ANK3: variants seen among roughly 807,000 people sequenced by gnomAD.
ANK3 encodes ankyrin 3.
A neutral mutation model predicts 370.9 loss-of-function variants in ANK3; 57 were observed. That is an observed-to-expected ratio of 0.15 (90% CI 0.12 to 0.19). The LOEUF (loss-of-function observed/expected upper bound fraction) is 0.19. Among genes scored for constraint, ANK3 ranks in the 10% least tolerant of loss-of-function variants. The probability of loss-of-function intolerance (pLI) is 1.00; values close to 1 mark genes in which losing one functional copy is unlikely to be tolerated. For missense variants in ANK3, 4,439 were observed against 5,302.1 expected (o/e 0.84, Z 5.06); for synonymous variants, 1,929 against 1,946.3 (o/e 0.99, Z 0.23).
rs116381784 is a variant in ANK3, at chr10:60,702,851, G to T, written c.57+30412C>A. Among the ~76,000 whole-genome samples the T allele has an allele frequency of 2.9e-3, 434 of 152,188 alleles. 2 individuals carry two copies. Among genetic ancestry groups the T allele is most frequent in the African/African-American group, 9.9e-3 (410 of 41,522 alleles). On this transcript the variant is annotated intron_variant, in intron 1 of 43. Transcript: ENST00000373827. ...GCAAGTCATTATTTTGCCTTCACAT[G>T]GAAGAATATACCACAATCTAAAAAG...
At chr10:60,291,497 A>C (rs1365199593) in intron 1 of ANK3, among the ~76,000 whole-genome samples, 1 of 152,090 alleles carries the variant, frequency 6.6e-6, no homozygotes, top group Non-Finnish European at 1.5e-5. Context: ...AAAGCCATAA[A>C]TGATGTAAGG....
intron 1 of ANK3, among the ~76,000 whole-genome samples, chr10:60,674,364 C>T (rs142740585): frequency 0.041 from 6,190 of 152,026 alleles, 159 homozygotes; most frequent in Middle Eastern, 0.071. Flanking sequence ...TCTGGTGAGG[C>T]CTCAGGAAGC....
intron 9 of ANK3, among the ~76,000 whole-genome samples, chr10:60,209,719 C>A (rs1321522501): frequency 1.3e-5 from 2 of 152,076 alleles, no homozygotes; most frequent in African/African-American, 4.8e-5. Context: ...CTGCTTTATT[C>A]CTGCCAAAAT....
chr10:60,560,369 G>A (rs1223372714), intron 2 of ANK3, among the ~76,000 whole-genome samples: 1 of 152,124 alleles, frequency 6.6e-6, no homozygotes, highest in Non-Finnish European at 1.5e-5. Flanking sequence ...GGACTAATGT[G>A]TTGGTATAAG....
chr10:60,310,296 A>G lies in ANK3; in HGVS notation c.115-30657T>C, dbSNP rs1265936987. Among the ~76,000 whole-genome samples, 10 of 152,170 alleles carry G rather than the reference A, an allele frequency of 6.6e-5. No individual in the cohort carries two copies. The East Asian group carries it at 1.7e-3, about 26-fold the overall frequency. ...GCACACTCACCCGCAGGTTTCCAGG[A>G]ATCTTCAATAATTATTTGATTCTAA... On this transcript the variant is annotated intron_variant, in intron 1 of 43. Transcript: ENST00000280772.
intron 7 of ANK3, among the ~76,000 whole-genome samples, chr10:60,243,681 C>T (rs1483179242): frequency 1.3e-5 from 2 of 152,128 alleles, no homozygotes. Context: ...AACATTATAA[C>T]AATTAGATGT....
At chr10:60,320,792 A>G (rs1016685164) in intron 1 of ANK3, among the ~76,000 whole-genome samples, 2 of 152,118 alleles carry the variant, frequency 1.3e-5, no homozygotes, top group Admixed American at 6.6e-5. Context: ...AGTATAAAAT[A>G]CCACCAAACA....
At chr10:60,085,365 C>T (rs961915997) in intron 30 of ANK3, 112 bp from the exon 31 acceptor site, 3 of 699,690 alleles carry the variant, frequency 4.3e-6, no homozygotes, top group Non-Finnish European at 7.3e-6. Flanking sequence ...AAAACTTCAA[C>T]ACCTTCAGTT....
chr10:60,347,560 C>T (rs1303432973), intron 1 of ANK3, among the ~76,000 whole-genome samples: 12 of 151,948 alleles, frequency 7.9e-5, no homozygotes, highest in Non-Finnish European at 1.5e-4. Context: ...TAAAAATATC[C>T]TACAGGGTTG....
Position 60,134,381 on chromosome 10 carries a change from A to C in ANK3, c.2739-8T>G. ...GAACTGAAGGAGCGGAGGCTGTTGT[A>C]TTTACAGTTAACCATTCAACAGTGG... On this transcript the variant is annotated splice_region_variant and splice_polypyrimidine_tract_variant and intron_variant, in intron 24 of 43. Coordinates refer to ENST00000280772, the MANE Select transcript of ANK3 (RefSeq NM_020987.5). 1 of 1,607,966 alleles carries C rather than the reference A, an allele frequency of 6.2e-7. No homozygotes were observed. The highest frequency in any genetic ancestry group is 1.7e-4 in the Middle Eastern group (1 of 6,036).
chr10:60,114,206 T>A lies in ANK3; in HGVS notation c.2948+19A>T, dbSNP rs1251873867. 6.9e-7 allele frequency: 1 copy of A among 1,452,016 alleles called. No homozygotes were observed. The highest frequency in any genetic ancestry group is 9.6e-7 in the Non-Finnish European group (1 of 1,046,684). 89.9% of individuals were successfully genotyped at this position (1,452,016 alleles called of 1,614,324 possible). A position where few individuals can be genotyped will look rare whatever the true frequency, so the allele number is the denominator to read the frequency against. On this transcript the variant is annotated intron_variant, in intron 26 of 43. Coordinates refer to ENST00000280772, the MANE Select transcript of ANK3 (RefSeq NM_020987.5). Reference sequence around the variant, plus strand: ...GTTCATGTAGTAGGATAATGAAAAGTGACATTTAGGTTACTTACCCAGAAT... The same window carrying A: ...GTTCATGTAGTAGGATAATGAAAAGAGACATTTAGGTTACTTACCCAGAAT...
At chr10:60,477,320 A>G (rs1251867054) in intron 2 of ANK3, among the ~76,000 whole-genome samples, 1 of 152,120 alleles carries the variant, frequency 6.6e-6, no homozygotes, top group African/African-American at 2.4e-5. Context: ...AACTGGAACA[A>G]GATCTTGCAA....
At chr10:60,307,946 C>T (rs765553355) in intron 1 of ANK3, among the ~76,000 whole-genome samples, 1 of 152,156 alleles carries the variant, frequency 6.6e-6, no homozygotes, top group Non-Finnish European at 1.5e-5. Flanking sequence ...AATGTGACAA[C>T]AGCATTTATA....
intron 7 of ANK3, among the ~76,000 whole-genome samples, chr10:60,237,883 G>C (rs931501317): frequency 1.3e-5 from 2 of 152,050 alleles, no homozygotes; most frequent in Admixed American, 1.3e-4. Flanking sequence ...ATTGGATAAA[G>C]AAAGTGAGGC....
intron 23 of ANK3, chr10:60,140,497 C>G: frequency 1.3e-6 from 2 of 1,549,210 alleles, no homozygotes; most frequent in Non-Finnish European, 1.7e-6. Flanking sequence ...TCTTCACCAC[C>G]GCTGAATTCC....
intron 5 of ANK3, among the ~76,000 whole-genome samples, chr10:60,269,880 G>T (rs559463680): frequency 6.6e-6 from 1 of 152,024 alleles, no homozygotes; most frequent in African/African-American, 2.4e-5. Context: ...AAGCAAATAC[G>T]TTAAATATTA....
At chr10:60,269,105 C>G (rs1007005765) in intron 5 of ANK3, among the ~76,000 whole-genome samples, 2 of 152,130 alleles carry the variant, frequency 1.3e-5, no homozygotes, top group African/African-American at 4.8e-5. Flanking sequence ...CCTGCATCTG[C>G]CCTAATTCAC....
intron 9 of ANK3, 49 bp downstream of exon 9, chr10:60,213,363 C>G: frequency 7.8e-7 from 1 of 1,288,502 alleles, no homozygotes. Context: ...GATCATATAA[C>G]CATCAAAATA....
intron 2 of ANK3, among the ~76,000 whole-genome samples, chr10:60,574,128 G>A (rs546160855): frequency 3.3e-5 from 5 of 152,132 alleles, no homozygotes; most frequent in South Asian, 4.2e-4. Flanking sequence ...GGCTGAAATC[G>A]TCCCCATTTT....
Sources: allele counts gnomAD v4.1 joint callset (sites outside exome capture counted in the v4.1 genomes callset), GRCh38; gene constraint gnomAD v4.1.1; transcripts MANE v1.5; gene names NCBI Gene and HGNC (gene_info 2026-07-23, HGNC 2026-07-21).